GANC: variants seen among roughly 807,000 people sequenced by gnomAD.
GANC encodes glucosidase alpha, neutral C, also known as neutral alpha-glucosidase C.
Under a neutral mutation model 124.2 loss-of-function variants are expected in GANC, and 117 were observed. The observed-to-expected ratio is 0.94, with a 90% confidence interval of 0.81 to 1.10. GANC has a LOEUF of 1.10. Among genes scored for constraint, GANC ranks in the 50% least tolerant of loss-of-function variants. The pLI is 0.00. For synonymous variants in GANC, 377 were observed against 376.8 expected (o/e 1.00, Z -0.01); for missense variants, 1,140 against 1,095.0 (o/e 1.04, Z -0.58).
At chr15:42,295,940 G>C (rs2141030234) in intron 5 of GANC, among the ~76,000 whole-genome samples, 1 of 152,150 alleles carries the variant, frequency 6.6e-6, no homozygotes, top group East Asian at 1.9e-4. Context: ...TCAGGAGTTT[G>C]AGACCAGCCT....
At position 42,273,555 on chromosome 15, in the gene GANC, G is replaced by T; in HGVS notation, c.-927G>T. On this transcript the variant is annotated 5_prime_UTR_variant, in exon 1 of 24. Transcript: ENST00000318010. ...GTAGCGGCCCCTCTCTCAGACAGTC[G>T]TCTGTGCGCCGTGAGACTTTGGACC... is the stretch of plus-strand genomic sequence containing the variant. 1 of 1,318,630 alleles carries T rather than the reference G, an allele frequency of 7.6e-7. No individual in the cohort carries two copies. The highest frequency in any genetic ancestry group is 1.5e-5 in the African/African-American group (1 of 67,974). 81.7% of individuals were successfully genotyped at this position (1,318,630 alleles called of 1,614,324 possible). A position where few individuals can be genotyped will look rare whatever the true frequency, so the allele number is the denominator to read the frequency against.
chr15:42,292,339 A>G (rs1022322275), intron 4 of GANC, among the ~76,000 whole-genome samples: 2 of 151,326 alleles, frequency 1.3e-5, no homozygotes, highest in Non-Finnish European at 2.9e-5. Context: ...GACCAAGGTG[A>G]TGATGATGAC....
rs977662379 is a variant in GANC, at chr15:42,343,140, C to T, written c.2215C>T (p.Pro739Ser). ...PKATTVDVFLPGSNEVWYDYK... is the reference protein window; with the variant it reads ...PKATTVDVFLSGSNEVWYDYK... Reference sequence around the variant, plus strand: ...AGCCACCACAGTTGATGTGTTTCTTCCAGGATCAAATGAGGTAAGAGTAAT... The same window carrying T: ...AGCCACCACAGTTGATGTGTTTCTTTCAGGATCAAATGAGGTAAGAGTAAT... Residue 739 changes from proline to serine, a missense_variant, in exon 19 of 24, where the codon CCA (proline) becomes TCA (serine). By Grantham distance (74) the Pro-to-Ser change is moderately conservative. Coordinates refer to ENST00000318010, the MANE Select transcript of GANC (RefSeq NM_198141.3). 3 of 1,613,852 alleles carry T rather than the reference C, an allele frequency of 1.9e-6. No homozygotes were observed. Among genetic ancestry groups the T allele is most frequent in the Non-Finnish European group, 2.5e-6 (3 of 1,179,808 alleles).
intron 15 of GANC, among the ~76,000 whole-genome samples, chr15:42,333,173 C>T (rs996449525): frequency 3.3e-5 from 5 of 149,740 alleles, no homozygotes; most frequent in South Asian, 2.1e-4. Context: ...ACTAAAAATA[C>T]GAAAATGAGC....
At chr15:42,346,905 T>C (rs1389138592) in intron 20 of GANC, among the ~76,000 whole-genome samples, 1 of 152,174 alleles carries the variant, frequency 6.6e-6, no homozygotes, top group Non-Finnish European at 1.5e-5. Context: ...GATACTGATA[T>C]TATTTTGTAA....
rs1435623239 is a variant in GANC, at chr15:42,273,560, T to A, written c.-922T>A. On this transcript the variant is annotated 5_prime_UTR_variant, in exon 1 of 24. Transcript: ENST00000318010. ...GGCCCCTCTCTCAGACAGTCGTCTG[T>A]GCGCCGTGAGACTTTGGACCTACTG... 40 of 1,287,684 alleles carry A rather than the reference T, an allele frequency of 3.1e-5. No individual in the cohort carries two copies. Among genetic ancestry groups the A allele is most frequent in the Non-Finnish European group, 3.7e-5 (35 of 954,776 alleles). The allele number at this position is 1,287,684 out of a possible 1,614,324, so 79.8% of individuals were successfully genotyped here.
intron 6 of GANC, among the ~76,000 whole-genome samples, chr15:42,298,858 G>A (rs561622714): frequency 1.3e-5 from 2 of 152,260 alleles, no homozygotes; most frequent in South Asian, 4.1e-4. Flanking sequence ...TTGGCTCTCT[G>A]ATTGTCTAGT....
intron 9 of GANC, 43 bp downstream of exon 9, chr15:42,310,506 AC>A (rs754153305): frequency 2.8e-5 from 43 of 1,539,420 alleles, no homozygotes; most frequent in Non-Finnish European, 3.8e-5. Flanking sequence ...TAAAGAAGAA[AC>A]AAAACCACTG....
chr15:42,343,192 T>C lies in GANC; in HGVS notation c.2229+38T>C, dbSNP rs1454748916. ...ACAGCCACATATCTGATATGTCTCA[T>C]ATCTCTCATCCCTTCTTTTCTTTTA... On this transcript the variant is annotated intron_variant, in intron 19 of 23. Coordinates refer to ENST00000318010, the MANE Select transcript of GANC (RefSeq NM_198141.3). 4 of 1,531,030 alleles carry C rather than the reference T, an allele frequency of 2.6e-6. No individual in the cohort carries two copies. The African/African-American group carries it at 5.5e-5, about 21-fold the overall frequency. The allele number at this position is 1,531,030 out of a possible 1,614,324, so 94.8% of individuals were successfully genotyped here.
At chr15:42,345,568 G>T (rs539329212) in intron 19 of GANC, among the ~76,000 whole-genome samples, 190 bp from the exon 20 acceptor site, 142 of 152,224 alleles carry the variant, frequency 9.3e-4, no homozygotes, top group African/African-American at 3.2e-3. Context: ...AAATTAATCA[G>T]CCATAGTCTT....
At chr15:42,346,706 A>G (rs952571913) in intron 20 of GANC, among the ~76,000 whole-genome samples, 15 of 152,202 alleles carry the variant, frequency 9.9e-5, no homozygotes, top group Admixed American at 5.9e-4. Context: ...ATATCATTCT[A>G]CAGGATTAAG....
intron 11 of GANC, among the ~76,000 whole-genome samples, chr15:42,323,945 G>T: frequency 6.6e-6 from 1 of 152,208 alleles, no homozygotes; most frequent in East Asian, 1.9e-4. Context: ...AGCCAGGCAT[G>T]TGAGGGTTCT....
intron 19 of GANC, chr15:42,343,375 A>G (rs1307828962): frequency 1.1e-5 from 6 of 528,610 alleles, no homozygotes; most frequent in South Asian, 6.8e-5. Context: ...AAGGAGGATC[A>G]GAATGATTTT....
intron 5 of GANC, among the ~76,000 whole-genome samples, chr15:42,293,930 A>G (rs2051867199): frequency 6.6e-6 from 1 of 151,560 alleles, no homozygotes; most frequent in Non-Finnish European, 1.5e-5. Flanking sequence ...ACATGCCTGT[A>G]GTCCCAGTTA....
intron 12 of GANC, 45 bp downstream of exon 12, chr15:42,326,469 C>T: frequency 6.2e-7 from 1 of 1,611,746 alleles, no homozygotes; most frequent in South Asian, 1.1e-5. Flanking sequence ...ATGTTCTGTC[C>T]CAATTAATGA....
chr15:42,292,926 A>G lies in GANC; in HGVS notation c.512+9A>G, dbSNP rs2051855558. 1 of 1,612,306 alleles carries G rather than the reference A, an allele frequency of 6.2e-7. No individual in the cohort carries two copies. The highest frequency in any genetic ancestry group is 1.7e-5 in the Admixed American group (1 of 59,980). ...ATTCTTCACAAACAAAGGTATTCTT[A>G]TGCATTACTTGACACATAAAGACCT... On this transcript the variant is annotated intron_variant, in intron 5 of 23. Coordinates refer to ENST00000318010, the MANE Select transcript of GANC (RefSeq NM_198141.3).
At chr15:42,305,642 A>C (rs918553370) in intron 6 of GANC, among the ~76,000 whole-genome samples, 6 of 152,232 alleles carry the variant, frequency 3.9e-5, no homozygotes, top group African/African-American at 1.4e-4. Context: ...ACACATTCAC[A>C]CATATGTTTA....
At chr15:42,276,801 C>G (rs1322843721) in intron 2 of GANC, among the ~76,000 whole-genome samples, 1 of 151,888 alleles carries the variant, frequency 6.6e-6, no homozygotes, top group East Asian at 1.9e-4. Context: ...ATTTATCCTT[C>G]CAGTATTTTT....
chr15:42,353,111 T>C lies in GANC; in HGVS notation c.*972T>C, dbSNP rs1385679033. 1.0e-6 allele frequency: 1 copy of C among 985,674 alleles called. No individual in the cohort carries two copies. Among genetic ancestry groups the C allele is most frequent in the Non-Finnish European group, 1.2e-6 (1 of 829,902 alleles). 61.1% of individuals were successfully genotyped at this position (985,674 alleles called of 1,614,324 possible). On this transcript the variant is annotated 3_prime_UTR_variant, in exon 24 of 24. Coordinates refer to ENST00000318010, the MANE Select transcript of GANC (RefSeq NM_198141.3). ...TTTCCTTTTGTCCCAGGCTCTAATA[T>C]GGCTTGGCATGGGGCAGAACATTAC... is the stretch of plus-strand genomic sequence containing the variant.
Sources: gnomAD v4.1 joint callset for allele counts (sites outside exome capture counted in the v4.1 genomes callset) on GRCh38, gnomAD v4.1.1 for gene constraint, MANE v1.5 for transcripts, NCBI Gene and HGNC (gene_info 2026-07-23, HGNC 2026-07-21) for gene names.